UBE2W: variants seen among roughly 807,000 people sequenced by gnomAD.
UBE2W encodes ubiquitin-conjugating enzyme E2 W.
UBE2W carries 18 observed loss-of-function variants against 27.2 expected under a neutral mutation model. The ratio of observed to expected loss-of-function variants is 0.66; its 90% confidence interval spans 0.46 to 0.98. The LOEUF is 0.98. Ranked by LOEUF, UBE2W falls within the 50% of genes least tolerant of loss-of-function variation. The probability of loss-of-function intolerance (pLI) is 0.00; values close to 1 mark genes in which losing one functional copy is unlikely to be tolerated. For missense variants in UBE2W, 90 were observed against 180.2 expected (o/e 0.50, Z 2.87); for synonymous variants, 53 against 57.2 (o/e 0.93, Z 0.33).
chr8:73,810,056 C>T (rs939862732), intron 4 of UBE2W, among the ~76,000 whole-genome samples: 4 of 152,062 alleles, frequency 2.6e-5, no homozygotes, highest in African/African-American at 4.8e-5. Flanking sequence ...GCTCTGGTTC[C>T]TGAAAAATTC....
intron 1 of UBE2W, among the ~76,000 whole-genome samples, chr8:73,860,683 A>T (rs1811500601): frequency 6.6e-6 from 1 of 152,212 alleles, no homozygotes; most frequent in South Asian, 2.1e-4. Flanking sequence ...AAAGAACTAA[A>T]GTGGATTTTG....
chr8:73,820,428 G>A (rs1464660298), intron 3 of UBE2W, among the ~76,000 whole-genome samples: 1 of 152,098 alleles, frequency 6.6e-6, no homozygotes, highest in East Asian at 1.9e-4. Flanking sequence ...TGCCATGTGA[G>A]GGACTACAGA....
chr8:73,785,176 T>G (rs921552190), downstream of UBE2W, among the ~76,000 whole-genome samples: 8 of 152,210 alleles, frequency 5.3e-5, no homozygotes, highest in African/African-American at 1.9e-4. Context: ...AGATGGAGTC[T>G]TGCTCTGTCA....
At chr8:73,860,502 T>TA (rs1263067679) in intron 1 of UBE2W, among the ~76,000 whole-genome samples, 1 of 152,086 alleles carries the variant, frequency 6.6e-6, no homozygotes, top group African/African-American at 2.4e-5. Flanking sequence ...CTCATTGAGT[T>TA]AAAAATCTAA....
At chr8:73,815,010 G>A (rs1466816583) in intron 3 of UBE2W, among the ~76,000 whole-genome samples, 2 of 152,188 alleles carry the variant, frequency 1.3e-5, no homozygotes, top group African/African-American at 4.8e-5. Flanking sequence ...TTTGGGTACT[G>A]TGAATGTAGT....
chr8:73,795,801 G>A, intron 5 of UBE2W: 2 of 984,628 alleles, frequency 2.0e-6, no homozygotes, highest in Non-Finnish European at 2.4e-6. Flanking sequence ...AATTTTCTTG[G>A]CAATGCAAAG....
chr8:73,845,313 T>G (rs148677763), intron 1 of UBE2W, among the ~76,000 whole-genome samples: 1 of 152,188 alleles, frequency 6.6e-6, no homozygotes, highest in Non-Finnish European at 1.5e-5. Flanking sequence ...TGATACTGTG[T>G]CTGTGTAGAA....
intron 1 of UBE2W, among the ~76,000 whole-genome samples, chr8:73,867,020 G>C (rs1811806255): frequency 6.6e-6 from 1 of 150,656 alleles, no homozygotes; most frequent in Admixed American, 6.6e-5. Context: ...AAAAAAAAGA[G>C]GAAATTTTTG....
In UBE2W at chr8:73,827,466, G is replaced by A. The variant is rs62508051; in HGVS notation, c.108-2217C>T. Among the ~76,000 whole-genome samples the A allele has an allele frequency of 6.3e-3, 952 of 152,102 alleles. 4 individuals carry two copies. The highest frequency in any genetic ancestry group is 0.01 in the Non-Finnish European group (693 of 67,970). On this transcript the variant is annotated intron_variant, in intron 2 of 5. Coordinates refer to ENST00000602593, the MANE Select transcript of UBE2W (RefSeq NM_018299.6). Reference sequence around the variant, plus strand: ...CGAACTCGGGTGATCTGCCCGCCTCGGCGTCCCAAAGTGCTGGGATTACAG... The same window carrying A: ...CGAACTCGGGTGATCTGCCCGCCTCAGCGTCCCAAAGTGCTGGGATTACAG...
rs1284179147 is a variant in UBE2W at position 73,789,875 on chromosome 8, C to T, written c.*4227G>A. The stretch of plus-strand genomic sequence containing the variant: ...TAAATAAATAATAAAAATAATCATT[C>T]CACATCTCAAAATGACTTAGAAATT... On this transcript the variant is annotated 3_prime_UTR_variant, in exon 6 of 6. Coordinates refer to ENST00000602593, the MANE Select transcript of UBE2W (RefSeq NM_018299.6). 8 of 925,550 alleles carry T rather than the reference C, an allele frequency of 8.6e-6. No individual in the cohort carries two copies. Among genetic ancestry groups the T allele is most frequent in the Admixed American group, 6.2e-5 (1 of 16,132 alleles). The allele number at this position is 925,550 out of a possible 1,614,324, so 57.3% of individuals were successfully genotyped here. A position where few individuals can be genotyped will look rare whatever the true frequency, so the allele number is the denominator to read the frequency against.
rs571803569 is a variant in UBE2W, at chr8:73,864,879, C to A, written c.15+13929G>T. 2.0e-5 allele frequency among the ~76,000 whole-genome samples: 3 copies of A among 151,664 alleles called. No individual in the cohort carries two copies. In the East Asian group the frequency reaches 5.8e-4, roughly 29 times the overall value. ...AGCCTCCCAAAGTGCTGGGATTACA[C>A]GAATGAGCCACCATGCCTGGCCTCT... On this transcript the variant is annotated intron_variant, in intron 1 of 5. Transcript: ENST00000602593.
chr8:73,863,847 T>A (rs1045637593), intron 1 of UBE2W, among the ~76,000 whole-genome samples: 5 of 151,752 alleles, frequency 3.3e-5, no homozygotes, highest in African/African-American at 1.2e-4. Context: ...GTATTTTTTT[T>A]AAAGTTTCCC....
At chr8:73,781,851 T>G (rs902956672), downstream of UBE2W, among the ~76,000 whole-genome samples, 1 of 151,928 alleles carries the variant, frequency 6.6e-6, no homozygotes, top group African/African-American at 2.4e-5. Context: ...TTGGACAATT[T>G]GATTATGGCT....
At chr8:73,822,112 C>A (rs574478079) in intron 3 of UBE2W, among the ~76,000 whole-genome samples, 1 of 152,180 alleles carries the variant, frequency 6.6e-6, no homozygotes, top group Admixed American at 6.5e-5. Context: ...ACCCCTGGAC[C>A]GGCCTGCTAG....
rs892803348 is a variant in UBE2W at position 73,822,797 on chromosome 8, C to A, written c.210+2350G>T. Reference sequence around the variant, plus strand: ...AGACGCTGTCTCAAAAAAAACAAAACAAAAACAAACAAACAAAAAACCAGA... The same window carrying A: ...AGACGCTGTCTCAAAAAAAACAAAAAAAAAACAAACAAACAAAAAACCAGA... On this transcript the variant is annotated intron_variant, in intron 3 of 5. Coordinates refer to ENST00000602593, the MANE Select transcript of UBE2W (RefSeq NM_018299.6). Among the ~76,000 whole-genome samples, 16 of 151,402 alleles carry A rather than the reference C, an allele frequency of 1.1e-4. No individual in the cohort carries two copies. The South Asian group carries it at 2.1e-3, about 20-fold the overall frequency.
rs980295749 is a variant in UBE2W, at chr8:73,795,602, T to A, written c.443-1487A>T. 2.6e-5 allele frequency among the ~76,000 whole-genome samples: 4 copies of A among 152,310 alleles called. No individual in the cohort carries two copies. In the South Asian group the frequency reaches 8.3e-4, roughly 32 times the overall value. On this transcript the variant is annotated intron_variant, in intron 5 of 5. Coordinates refer to ENST00000602593, the MANE Select transcript of UBE2W (RefSeq NM_018299.6). The stretch of plus-strand genomic sequence containing the variant: ...CATGTTAGAATTGATATACTGCTAA[T>A]TAAAAACCAGTAAAATCTGACTTCT...
chr8:73,792,887 A>G lies in UBE2W; in HGVS notation c.*1215T>C. On this transcript the variant is annotated 3_prime_UTR_variant, in exon 6 of 6. Coordinates refer to ENST00000602593, the MANE Select transcript of UBE2W (RefSeq NM_018299.6). ...CCAGGAAAAACTATATGGCTGTGTG[A>G]GACAAATAAGCAACCATTTGATAGT... 6.1e-6 allele frequency: 6 copies of G among 985,778 alleles called. No individual in the cohort carries two copies. The highest frequency in any genetic ancestry group is 7.2e-6 in the Non-Finnish European group (6 of 829,880). 61.1% of individuals were successfully genotyped at this position (985,778 alleles called of 1,614,324 possible). A position where few individuals can be genotyped will look rare whatever the true frequency, so the allele number is the denominator to read the frequency against.
chr8:73,803,933 A>T (rs1308507665), intron 5 of UBE2W, among the ~76,000 whole-genome samples: 1 of 148,800 alleles, frequency 6.7e-6, no homozygotes, highest in African/African-American at 2.5e-5. Context: ...CGCCCGGCTA[A>T]TTTTTTGTAT....
At chr8:73,874,505 T>C (rs1812138027) in intron 1 of UBE2W, among the ~76,000 whole-genome samples, 1 of 152,198 alleles carries the variant, frequency 6.6e-6, no homozygotes, top group Admixed American at 6.5e-5. Context: ...AGGATTCACC[T>C]GAGAAAAGAA....
Sources: allele counts gnomAD v4.1 joint callset (sites outside exome capture counted in the v4.1 genomes callset), GRCh38; gene constraint gnomAD v4.1.1; transcripts MANE v1.5; gene names NCBI Gene and HGNC (gene_info 2026-07-23, HGNC 2026-07-21).